ADD2: variants seen among roughly 807,000 people sequenced by gnomAD.
ADD2 encodes the protein adducin 2, also known as beta-adducin.
In ADD2, 23 loss-of-function variants were observed where a neutral mutation model predicts 83.0. The ratio of observed to expected loss-of-function variants is 0.28; its 90% CI spans 0.20 to 0.39. The LOEUF (loss-of-function observed/expected upper bound fraction) is 0.39. ADD2 is among the 10% of genes least tolerant of loss of function. The pLI, the probability that ADD2 is intolerant of heterozygous loss-of-function variation, is 1.00. For synonymous variants in ADD2, 375 were observed against 375.4 expected (o/e 1.00, Z 0.01); for missense variants, 758 against 944.9 (o/e 0.80, Z 2.59).
intron 1 of ADD2, among the ~76,000 whole-genome samples, chr2:70,739,817 G>T (rs6546624): frequency 6.6e-6 from 1 of 152,098 alleles, no homozygotes; most frequent in South Asian, 2.1e-4. Context: ...GGGAGCTACA[G>T]GATGAGAACA....
intron 15 of ADD2, among the ~76,000 whole-genome samples, chr2:70,667,354 C>T (rs374622907): frequency 2.0e-5 from 3 of 152,168 alleles, no homozygotes; most frequent in African/African-American, 7.2e-5. Flanking sequence ...CACCCAGACC[C>T]TGTGGGTTGG....
At chr2:70,746,567 A>C (rs1165479919) in intron 1 of ADD2, among the ~76,000 whole-genome samples, 2 of 152,172 alleles carry the variant, frequency 1.3e-5, no homozygotes, top group African/African-American at 4.8e-5. Flanking sequence ...CATTGCTAGT[A>C]CTTGGGGGCA....
intron 1 of ADD2, among the ~76,000 whole-genome samples, chr2:70,732,072 T>G (rs1467150449): frequency 6.6e-6 from 1 of 152,092 alleles, no homozygotes; most frequent in African/African-American, 2.4e-5. Context: ...TTTTCAATCT[T>G]CCCCTCCCTT....
rs79617983 is a variant in ADD2, at chr2:70,765,692, T to C, written c.-154+2194A>G. 4.2e-3 allele frequency among the ~76,000 whole-genome samples: 634 copies of C among 152,362 alleles called. 2 individuals are homozygous for C. Among genetic ancestry groups the C allele is most frequent in the African/African-American group, 0.015 (612 of 41,590 alleles). On this transcript the variant is annotated intron_variant, in intron 1 of 15. Transcript: ENST00000264436. ...ATAAGCCATGGGTTCGTCAATTTCT[T>C]TTTTGCTTATGCTGCAAGAAAGTTT...
At chr2:70,743,676 G>A (rs1553381483) in intron 1 of ADD2, among the ~76,000 whole-genome samples, 1 of 152,186 alleles carries the variant, frequency 6.6e-6, no homozygotes, top group African/African-American at 2.4e-5. Context: ...CTTCCTGGAA[G>A]CTGTGGCTAT....
At position 70,717,975 on chromosome 2, in the gene ADD2, G is replaced by A. The variant is rs140634752; in HGVS notation, c.-153-4791C>T. Reference sequence around the variant, plus strand: ...GAAAGAGAGAAAGAGGCAGGACAGCGATGGTAAAGTCTATGTCCATCTCCA... The same window carrying A: ...GAAAGAGAGAAAGAGGCAGGACAGCAATGGTAAAGTCTATGTCCATCTCCA... On this transcript the variant is annotated intron_variant, in intron 1 of 15. Transcript: ENST00000264436. Among the ~76,000 whole-genome samples, 281 of 152,300 alleles carry A rather than the reference G, an allele frequency of 1.8e-3. 1 individual carries two copies. The highest frequency in any genetic ancestry group is 6.1e-3 in the African/African-American group (254 of 41,572).
At chr2:70,738,236 C>A (rs782038100) in intron 1 of ADD2, among the ~76,000 whole-genome samples, 3 of 152,168 alleles carry the variant, frequency 2.0e-5, no homozygotes, top group Non-Finnish European at 4.4e-5. Context: ...GGCTAGTGAT[C>A]CATGAGTCAA....
chr2:70,747,289 C>T (rs538038010), intron 1 of ADD2, among the ~76,000 whole-genome samples: 6 of 152,274 alleles, frequency 3.9e-5, no homozygotes, highest in South Asian at 2.1e-4. Context: ...GGATTACAGG[C>T]GTGAGCCACC....
At chr2:70,687,075 T>C (rs543032621) in intron 9 of ADD2, 2 of 152,404 alleles carry the variant, frequency 1.3e-5, no homozygotes, top group African/African-American at 4.8e-5. Context: ...CATATGTCAG[T>C]TGAGTCCTAA....
intron 1 of ADD2, among the ~76,000 whole-genome samples, chr2:70,735,684 A>G (rs1673514215): frequency 6.7e-6 from 1 of 149,576 alleles, no homozygotes; most frequent in Admixed American, 6.7e-5. Context: ...CTCTCCTTCC[A>G]AGCCCAGTCT....
At chr2:70,758,456 C>T (rs184068203) in intron 1 of ADD2, among the ~76,000 whole-genome samples, 215 of 152,018 alleles carry the variant, frequency 1.4e-3, no homozygotes, top group African/African-American at 3.5e-3. Context: ...GGTGGGAAAG[C>T]ATGTTCAGAA....
At chr2:70,709,325 C>CA (rs61422231) in intron 2 of ADD2, among the ~76,000 whole-genome samples, 5,080 of 106,226 alleles carry the variant, frequency 0.048, 250 homozygotes, top group African/African-American at 0.14. Context: ...GAGTGGGAGC[C>CA]AAAAAAAAAA....
chr2:70,742,499 A>G (rs1673969500), intron 1 of ADD2, among the ~76,000 whole-genome samples: 1 of 152,156 alleles, frequency 6.6e-6, no homozygotes, highest in Admixed American at 6.6e-5. Context: ...AAAGAAATGG[A>G]CTGCTGGTTG....
At chr2:70,722,167 G>A (rs1672760388) in intron 1 of ADD2, among the ~76,000 whole-genome samples, 1 of 152,228 alleles carries the variant, frequency 6.6e-6, no homozygotes, top group African/African-American at 2.4e-5. Flanking sequence ...GTAGGTCTCA[G>A]AAGTGAAGGC....
In ADD2 at chr2:70,716,472, G is replaced by T. The variant is rs575731681; in HGVS notation, c.-153-3288C>A. On this transcript the variant is annotated intron_variant, in intron 1 of 15. Coordinates refer to ENST00000264436, the MANE Select transcript of ADD2 (RefSeq NM_001617.4). ...CTGGCAGCCTGCCCCCTACACCCCC[G>T]CCCTGGGCTTTCACATCACTTTTAC... 1.1e-4 allele frequency among the ~76,000 whole-genome samples: 17 copies of T among 152,048 alleles called. No individual in the cohort carries two copies. In the East Asian group the frequency reaches 1.7e-3, roughly 16 times the overall value.
intron 1 of ADD2, among the ~76,000 whole-genome samples, chr2:70,728,653 T>C (rs1256659084): frequency 1.3e-5 from 2 of 152,278 alleles, no homozygotes; most frequent in Non-Finnish European, 2.9e-5. Context: ...TATTTTATGA[T>C]GGGATATATA....
intron 4 of ADD2, among the ~76,000 whole-genome samples, chr2:70,697,119 G>A (rs1671350521): frequency 6.6e-6 from 1 of 152,224 alleles, no homozygotes; most frequent in African/African-American, 2.4e-5. Context: ...CTGCACGCCA[G>A]CCTGGGGACA....
chr2:70,726,186 CAAAAAA>C (rs34333514), intron 1 of ADD2, among the ~76,000 whole-genome samples: 5 of 45,492 alleles, frequency 1.1e-4, no homozygotes, highest in East Asian at 4.8e-4. Context: ...GACTCCATCT[CAAAAAA>C]AAAAAAAAAA....
intron 15 of ADD2, among the ~76,000 whole-genome samples, chr2:70,666,057 G>A (rs946208604): frequency 2.3e-4 from 35 of 151,982 alleles, no homozygotes; most frequent in Non-Finnish European, 3.8e-4. Flanking sequence ...CTCGTGATCC[G>A]CCCACCTTGG....
Sources: allele counts gnomAD v4.1 joint callset (sites outside exome capture counted in the v4.1 genomes callset), GRCh38; gene constraint gnomAD v4.1.1; transcripts MANE v1.5; gene names NCBI Gene and HGNC (gene_info 2026-07-23, HGNC 2026-07-21).